Variants in KCP observed in about 807,000 individuals in gnomAD.
KCP encodes kielin/chordin-like protein.
In KCP, 194 loss-of-function variants were observed where a neutral mutation model predicts 212.7. The observed-to-expected ratio is 0.91, with a 90% CI of 0.81 to 1.03. The LOEUF (loss-of-function observed/expected upper bound fraction) is 1.03, where lower values mean the gene tolerates loss of function less well. KCP is among the 50% of genes least tolerant of loss of function. The pLI, the probability that KCP is intolerant of heterozygous loss-of-function variation, is 0.00. For missense variants in KCP, 2,080 were observed against 2,162.5 expected, an observed-to-expected ratio of 0.96 and a Z score of 0.76; for synonymous variants, 833 against 865.3, an observed-to-expected ratio of 0.96 and a Z score of 0.65.
At position 128,880,059 on chromosome 7, in the gene KCP, G is replaced by T. The variant is rs1793231364; in HGVS notation, c.3786C>A (p.Gly1262=). 1 of 1,546,320 alleles carries T rather than the reference G, an allele frequency of 6.5e-7. No individual in the cohort carries two copies. The highest frequency in any genetic ancestry group is 1.4e-5 in the African/African-American group (1 of 73,000). ...GPDKAPALSP[G]SCCPRCLPRP... ...GAGGCAGGCAGCGGGGGCAGCAGCT[G>T]CCAGGACTCAGGGCAGGGGCCTTGT... The change falls in exon 35 of 40, where the codon GGC becomes GGA. Residue 1262 remains glycine (G), a synonymous_variant. Transcript: ENST00000610776.
chr7:128,883,580 C>CA (rs1447296103), intron 29 of KCP, among the ~76,000 whole-genome samples: 1 of 152,170 alleles, frequency 6.6e-6, no homozygotes, highest in Admixed American at 6.5e-5. Flanking sequence ...CTATTAAATC[C>CA]AGGAGACAGA....
intron 2 of KCP, among the ~76,000 whole-genome samples, chr7:128,908,157 G>T (rs1244391125): frequency 8.4e-6 from 1 of 119,742 alleles, no homozygotes; most frequent in African/African-American, 3.7e-5. Context: ...GAGAGAGAGA[G>T]AAAGAGAGAA....
chr7:128,877,491 C>T lies in KCP; in HGVS notation c.4611G>A (p.Thr1537=), dbSNP rs548817334. Residue 1537 remains threonine, a synonymous_variant, in exon 39 of 40, where the codon ACG becomes ACA. Coordinates refer to ENST00000610776, the MANE Select transcript of KCP (RefSeq NM_001366122.1). ...AGVTPTWRGP[T]LCVVGCPLER... ...CGGGCATCACCCCCTCACCACACAGCGTGGGGCCTCGCCAGGTAGGTGTCA... is the reference window on the plus strand; with the variant it reads ...CGGGCATCACCCCCTCACCACACAGTGTGGGGCCTCGCCAGGTAGGTGTCA... 36 of 1,551,108 alleles carry T rather than the reference C, an allele frequency of 2.3e-5. No homozygotes were observed. The highest frequency in any genetic ancestry group is 3.3e-4 in the Middle Eastern group (2 of 5,980).
At position 128,890,529 on chromosome 7, in the gene KCP, G is replaced by A. The variant is rs1458458688; in HGVS notation, c.2165-16C>T. On this transcript the variant is annotated splice_polypyrimidine_tract_variant and intron_variant, in intron 20 of 39. Coordinates refer to ENST00000610776, the MANE Select transcript of KCP (RefSeq NM_001366122.1). ...TACAGGCAGCCTGGGGAGAAGGGCA[G>A]GGGCTGGGGGGCCGTGGGGACTAGA... is the stretch of plus-strand genomic sequence containing the variant. The A allele has an allele frequency of 1.3e-6, 2 of 1,540,662 alleles. No individual in the cohort carries two copies.
rs1375763177 is a variant in KCP, at chr7:128,903,724, C to T, written c.748+3G>A. 3 of 1,547,390 alleles carry T rather than the reference C, an allele frequency of 1.9e-6. No homozygotes were observed. The highest frequency in any genetic ancestry group is 2.4e-5 in the East Asian group (1 of 40,902). On this transcript the variant is annotated splice_donor_region_variant and intron_variant, in intron 7 of 39. Coordinates refer to ENST00000610776, the MANE Select transcript of KCP (RefSeq NM_001366122.1). ...CTACCAGGGAGGGGCCAGGGGCTCTCACCTTGGCAGGTTGGGCAGCAGTGC... is the reference window on the plus strand; with the variant it reads ...CTACCAGGGAGGGGCCAGGGGCTCTTACCTTGGCAGGTTGGGCAGCAGTGC...
intron 1 of KCP, among the ~76,000 whole-genome samples, chr7:128,909,205 G>A (rs1795304930): frequency 1.3e-5 from 2 of 152,216 alleles, no homozygotes; most frequent in Admixed American, 6.5e-5. Flanking sequence ...AGCCCAGAAA[G>A]TAAAGGCAGG....
At chr7:128,886,810 AGGAAG>A in intron 24 of KCP, 61 bp downstream of exon 24, 3 of 1,366,850 alleles carry the variant, frequency 2.2e-6, no homozygotes, top group Non-Finnish European at 2.0e-6. Context: ...TAGGCCTGGC[AGGAAG>A]GGAAGGGGGA....
intron 31 of KCP, among the ~76,000 whole-genome samples, 181 bp downstream of exon 31, chr7:128,881,445 A>T (rs1476637318): frequency 1.3e-5 from 2 of 152,180 alleles, no homozygotes; most frequent in African/African-American, 4.8e-5. Flanking sequence ...CCCCTGCCTC[A>T]TGGGTCTCTT....
chr7:128,890,895 A>G lies in KCP; in HGVS notation c.2164+10T>C. ...GCGGGTGGCCGGGAGGGGCACCGCC[A>G]GGGCGTTACCGTCGCAGGAGGGGCA... is the stretch of plus-strand genomic sequence containing the variant. On this transcript the variant is annotated intron_variant, in intron 20 of 39. Transcript: ENST00000610776. 8.0e-7 allele frequency: 1 copy of G among 1,248,052 alleles called. No individual in the cohort carries two copies. The highest frequency in any genetic ancestry group is 4.2e-5 in the Admixed American group (1 of 24,018). 77.3% of individuals were successfully genotyped at this position (1,248,052 alleles called of 1,614,324 possible).
intron 6 of KCP, 76 bp downstream of exon 6, chr7:128,903,980 G>T: frequency 7.0e-7 from 1 of 1,421,964 alleles, no homozygotes; most frequent in Non-Finnish European, 9.7e-7. Flanking sequence ...GGCTGGAGGA[G>T]TGGCAGGCAG....
At position 128,888,908 on chromosome 7, in the gene KCP, TG is replaced by T. The variant is rs1218405910; in HGVS notation, c.2466del (p.Cys822Ter). 1 of 1,549,656 alleles carries T rather than the reference TG, an allele frequency of 6.5e-7. No homozygotes were observed. The highest frequency in any genetic ancestry group is 1.4e-5 in the African/African-American group (1 of 72,758). ...CGRRPCEPPG[C>X]SHPLIPSGHC... ...TGCCCAGAGGGGATGAGTGGGTGGCTGCAGCCCGGAGGCTCACAGGGCCGGC... is the reference window on the plus strand; with the variant it reads ...TGCCCAGAGGGGATGAGTGGGTGGCTCAGCCCGGAGGCTCACAGGGCCGGC... On this transcript the variant is annotated frameshift_variant, in exon 22 of 40. Coordinates refer to ENST00000610776, the MANE Select transcript of KCP (RefSeq NM_001366122.1). LOFTEE classifies it high-confidence loss of function.
chr7:128,897,991 G>A (rs890708545), intron 8 of KCP, among the ~76,000 whole-genome samples: 1 of 152,184 alleles, frequency 6.6e-6, no homozygotes. Context: ...ATTTATGCAA[G>A]AAATGTTGTA....
chr7:128,910,616 C>A lies in KCP; in HGVS notation c.61G>T (p.Ala21Ser). ...CTGGACTCACCTTCCGCGCCCGCGGCCAGCGCCAGGGCCCCGAGGTGCAGG... is the reference window on the plus strand; with the variant it reads ...CTGGACTCACCTTCCGCGCCCGCGGACAGCGCCAGGGCCCCGAGGTGCAGG... ...LLLHLGALALAAGAEGGAVPR... is the reference protein window; with the variant it reads ...LLLHLGALALSAGAEGGAVPR... Residue 21 changes from alanine (A) to serine (S), a missense_variant, in exon 1 of 40, where the codon GCC (alanine) becomes TCC (serine). Ala to Ser is a moderately conservative substitution (Grantham distance 99). Coordinates refer to ENST00000610776, the MANE Select transcript of KCP (RefSeq NM_001366122.1). 1.3e-6 allele frequency: 2 copies of A among 1,515,608 alleles called. No homozygotes were observed. The highest frequency in any genetic ancestry group is 1.8e-6 in the Non-Finnish European group (2 of 1,138,952). The allele number at this position is 1,515,608 out of a possible 1,614,324, so 93.9% of individuals were successfully genotyped here.
intron 38 of KCP, among the ~76,000 whole-genome samples, chr7:128,878,078 C>G (rs1261249709): frequency 7.4e-6 from 1 of 134,296 alleles, no homozygotes; most frequent in Non-Finnish European, 1.6e-5. Flanking sequence ...TTTTTTGAGA[C>G]AGAATTTTGC....
chr7:128,880,118 C>T (rs917774693), intron 34 of KCP, 33 bp from the exon 35 acceptor site: 14 of 1,486,618 alleles, frequency 9.4e-6, no homozygotes, highest in African/African-American at 5.6e-5. Context: ...TCAGACACAC[C>T]GCCCTCCCCG....
In KCP at chr7:128,880,511, C is replaced by T. The variant is rs145194637; in HGVS notation, c.3634G>A (p.Val1212Met). Reference protein sequence around the residue: ...ERCQAPTQSCVHQGREVASGE... With the variant: ...ERCQAPTQSCMHQGREVASGE... Reference sequence around the variant, plus strand: ...GAGGCCACCTCACGGCCCTGGTGCACGCAGGACTGGGTGGGAGCTGAAGGG... The same window carrying T: ...GAGGCCACCTCACGGCCCTGGTGCATGCAGGACTGGGTGGGAGCTGAAGGG... Residue 1212 changes from valine to methionine, a missense_variant, in exon 34 of 40, where the codon GTG becomes ATG. Val to Met is a conservative substitution (Grantham distance 21, BLOSUM62 1). Transcript: ENST00000610776. 5.9e-4 allele frequency: 895 copies of T among 1,508,928 alleles called. 9 individuals carry two copies. The African/African-American group carries it at 0.011, about 18-fold the overall frequency. The allele number at this position is 1,508,928 out of a possible 1,614,324, so 93.5% of individuals were successfully genotyped here.
At position 128,907,333 on chromosome 7, in the gene KCP, AGGC is replaced by A. The variant is rs780211608; in HGVS notation, c.337_339del (p.Ala113del). On this transcript the variant is annotated inframe_deletion, in exon 3 of 40. Transcript: ENST00000610776. ...CCATCCTGGCAGACGCAGGCTGTGC[AGGC>A]GTCAGGCTCCCAGCGTGCCCCCTCG... is the stretch of plus-strand genomic sequence containing the variant. The A allele has an allele frequency of 1.4e-5, 21 of 1,542,958 alleles. No individual in the cohort carries two copies. Among genetic ancestry groups the A allele is most frequent in the Non-Finnish European group, 1.7e-5 (19 of 1,140,734 alleles).
chr7:128,892,699 A>AG lies in KCP; in HGVS notation c.1515dup (p.Cys506LeufsTer14). ...GGCTGGGCAGTTACCTGACAGTGGCAGGCATGGCAAGGGCTGTCTGCATCC... is the reference window on the plus strand; with the variant it reads ...GGCTGGGCAGTTACCTGACAGTGGCAGGGCATGGCAAGGGCTGTCTGCATCC... On this transcript the variant is annotated frameshift_variant, in exon 15 of 40. Coordinates refer to ENST00000610776, the MANE Select transcript of KCP (RefSeq NM_001366122.1). LOFTEE classifies it high-confidence loss of function. The AG allele has an allele frequency of 6.4e-7, 1 of 1,551,658 alleles. No individual in the cohort carries two copies. Among genetic ancestry groups the AG allele is most frequent in the African/African-American group, 1.4e-5 (1 of 73,166 alleles).
intron 1 of KCP, 109 bp downstream of exon 1, chr7:128,910,492 G>T: frequency 9.6e-7 from 1 of 1,043,858 alleles, no homozygotes; most frequent in Non-Finnish European, 1.3e-6. Flanking sequence ...CGAACCTCAG[G>T]CAGGGCTAAG....
Sources: gnomAD v4.1 joint callset for allele counts (sites outside exome capture counted in the v4.1 genomes callset) on GRCh38, gnomAD v4.1.1 for gene constraint, MANE v1.5 for transcripts, NCBI Gene and HGNC (gene_info 2026-07-23, HGNC 2026-07-21) for gene names.